Variants in CA10 observed in about 807,000 individuals in gnomAD.
CA10 encodes carbonic anhydrase-related protein 10.
In CA10, 14 loss-of-function variants were observed where a neutral mutation model predicts 44.2. The observed-to-expected ratio is 0.32, with a 90% confidence interval of 0.21 to 0.50. The LOEUF (loss-of-function observed/expected upper bound fraction) is 0.50, where lower values mean the gene tolerates loss of function less well. CA10 is among the 20% of genes least tolerant of loss of function. The probability of loss-of-function intolerance (pLI) is 0.99; values close to 1 mark genes in which losing one functional copy is unlikely to be tolerated. For missense variants in CA10, 350 were observed against 409.7 expected, an observed-to-expected ratio of 0.85 and a Z score of 1.26; for synonymous variants, 159 against 141.6, an observed-to-expected ratio of 1.12 and a Z score of -0.87.
At chr17:51,868,709 T>C (rs1038070008) in intron 3 of CA10, among the ~76,000 whole-genome samples, 1 of 152,140 alleles carries the variant, frequency 6.6e-6, no homozygotes, top group Non-Finnish European at 1.5e-5. Context: ...ATCTCCTGCT[T>C]GGCCTTATGA....
At chr17:51,713,318 T>A (rs1916001358) in intron 4 of CA10, among the ~76,000 whole-genome samples, 1 of 152,194 alleles carries the variant, frequency 6.6e-6, no homozygotes, top group Non-Finnish European at 1.5e-5. Flanking sequence ...ATTTCTTGGC[T>A]GGGTCATGAC....
intron 2 of CA10, among the ~76,000 whole-genome samples, chr17:52,060,088 G>A (rs1213634838): frequency 3.9e-5 from 6 of 152,086 alleles, no homozygotes; most frequent in Admixed American, 1.3e-4. Context: ...TGTCACAAAT[G>A]AGACAAACAC....
intron 3 of CA10, among the ~76,000 whole-genome samples, chr17:51,915,719 C>T (rs1981967521): frequency 2.0e-5 from 3 of 152,202 alleles, no homozygotes; most frequent in Admixed American, 6.5e-5. Flanking sequence ...ATACAGATGA[C>T]ATTGATGTCT....
At chr17:52,007,102 T>C (rs930590536) in intron 2 of CA10, among the ~76,000 whole-genome samples, 2 of 151,754 alleles carry the variant, frequency 1.3e-5, no homozygotes, top group African/African-American at 4.8e-5. Context: ...AGTTTTTATA[T>C]TGATCTGATG....
At position 51,891,789 on chromosome 17, in the gene CA10, G is replaced by A. The variant is rs1285083149; in HGVS notation, c.279+39201C>T. ...CTGCACAGGTAGCTTTCACTCTCAC[G>A]ATGGGAATATGACTGCTCCTCTTCC... On this transcript the variant is annotated intron_variant, in intron 3 of 8. Coordinates refer to ENST00000451037, the MANE Select transcript of CA10 (RefSeq NM_020178.5). 2.0e-5 allele frequency among the ~76,000 whole-genome samples: 3 copies of A among 152,248 alleles called. No individual in the cohort carries two copies. The East Asian group carries it at 5.8e-4, about 29-fold the overall frequency.
chr17:51,846,078 T>C (rs1191031659), intron 3 of CA10, among the ~76,000 whole-genome samples: 1 of 152,212 alleles, frequency 6.6e-6, no homozygotes, highest in Admixed American at 6.5e-5. Context: ...AGGGAGAGGA[T>C]ACCTCACCAT....
intron 1 of CA10, among the ~76,000 whole-genome samples, chr17:52,152,732 T>TCTATAACTATATCTTAA (rs1989729065): frequency 6.6e-6 from 1 of 152,178 alleles, no homozygotes; most frequent in South Asian, 2.1e-4. Flanking sequence ...ATCTTAAGTA[T>TCTATAACTATATCTTAA]GGATCATATA....
chr17:51,782,734 C>G (rs1399212266), intron 3 of CA10, among the ~76,000 whole-genome samples: 1 of 152,206 alleles, frequency 6.6e-6, no homozygotes, highest in African/African-American at 2.4e-5. Flanking sequence ...ACTCTGGAAA[C>G]TTGGAGCTTA....
chr17:51,734,445 T>C (rs1280180023), intron 4 of CA10, among the ~76,000 whole-genome samples: 1 of 152,150 alleles, frequency 6.6e-6, no homozygotes, highest in Non-Finnish European at 1.5e-5. Flanking sequence ...TTGTGCAAAC[T>C]GGAGGACTTT....
intron 3 of CA10, among the ~76,000 whole-genome samples, chr17:51,816,522 T>C (rs1399231093): frequency 6.6e-6 from 1 of 152,220 alleles, no homozygotes; most frequent in Non-Finnish European, 1.5e-5. Flanking sequence ...GGCCTCTTTA[T>C]TGTCACTAAC....
chr17:52,046,441 T>A (rs1040488568), intron 2 of CA10, among the ~76,000 whole-genome samples: 1 of 151,878 alleles, frequency 6.6e-6, no homozygotes, highest in Non-Finnish European at 1.5e-5. Context: ...TAATGAGTAA[T>A]GTTATGCTAA....
chr17:52,141,064 T>C (rs537122879), intron 1 of CA10, among the ~76,000 whole-genome samples: 6 of 152,282 alleles, frequency 3.9e-5, no homozygotes, highest in African/African-American at 1.4e-4. Flanking sequence ...AGAGAAGGGT[T>C]ATGTTTTCAA....
chr17:51,892,237 G>T (rs1299511835), intron 3 of CA10, among the ~76,000 whole-genome samples: 1 of 152,192 alleles, frequency 6.6e-6, no homozygotes, highest in Non-Finnish European at 1.5e-5. Context: ...ATCCAGGCTA[G>T]TTGTTCCCAG....
rs918045538 is a variant in CA10, at chr17:51,630,501, CA to C, written c.*1082del. On this transcript the variant is annotated 3_prime_UTR_variant, in exon 9 of 9. Transcript: ENST00000451037. Reference sequence around the variant, plus strand: ...AGTGCATTCCTTCACGGGAGCATCACAGGGGGGCATGGCAGTTTTGAAACGC... The same window carrying C: ...AGTGCATTCCTTCACGGGAGCATCACGGGGGGCATGGCAGTTTTGAAACGC... 2.6e-5 allele frequency: 4 copies of C among 152,628 alleles called. No individual in the cohort carries two copies. Among genetic ancestry groups the C allele is most frequent in the Non-Finnish European group, 5.9e-5 (4 of 68,048 alleles). 9.5% of individuals were successfully genotyped at this position (152,628 alleles called of 1,614,324 possible).
At chr17:51,652,915 T>C (rs949105281) in intron 5 of CA10, among the ~76,000 whole-genome samples, 1 of 152,242 alleles carries the variant, frequency 6.6e-6, no homozygotes, top group Non-Finnish European at 1.5e-5. Flanking sequence ...TTTTTATTTT[T>C]CTAATTAGAA....
At chr17:51,679,507 C>T (rs566819219) in intron 4 of CA10, among the ~76,000 whole-genome samples, 36 of 151,786 alleles carry the variant, frequency 2.4e-4, no homozygotes, top group South Asian at 6.2e-4. Context: ...GTGATCTGCC[C>T]GCCTTGGCCT....
intron 5 of CA10, among the ~76,000 whole-genome samples, chr17:51,650,872 G>A (rs1425799199): frequency 2.0e-5 from 3 of 152,136 alleles, no homozygotes; most frequent in Non-Finnish European, 4.4e-5. Flanking sequence ...ATGATTTGTG[G>A]GCTCTAGTGT....
chr17:51,772,357 T>C (rs1319259260), intron 3 of CA10, among the ~76,000 whole-genome samples: 1 of 152,020 alleles, frequency 6.6e-6, no homozygotes, highest in East Asian at 1.9e-4. Context: ...TGCAAATGAG[T>C]ATATGCACTT....
chr17:52,039,653 A>G (rs1191589906), intron 2 of CA10, among the ~76,000 whole-genome samples: 1 of 152,114 alleles, frequency 6.6e-6, no homozygotes, highest in African/African-American at 2.4e-5. Context: ...ATAGAAATCA[A>G]TTTCTTTGTC....
Sources: gnomAD v4.1 joint callset for allele counts (sites outside exome capture counted in the v4.1 genomes callset) on GRCh38, gnomAD v4.1.1 for gene constraint, MANE v1.5 for transcripts, NCBI Gene and HGNC (gene_info 2026-07-23, HGNC 2026-07-21) for gene names.